The following OXR1 variants were observed in gnomAD, a reference collection of about 807,000 sequenced individuals.
The protein encoded by OXR1 is oxidation resistance 1.
A neutral mutation model predicts 104.6 loss-of-function variants in OXR1; 41 were observed. The observed-to-expected ratio is 0.39, with a 90% CI of 0.31 to 0.51. The LOEUF is 0.51. Among genes scored for constraint, OXR1 ranks in the 20% least tolerant of loss-of-function variants. OXR1 has a pLI of 0.77. For missense variants in OXR1, 955 were observed against 1,031.9 expected (o/e 0.93, Z 1.02); for synonymous variants, 348 against 348.4 (o/e 1.00, Z 0.01).
At chr8:106,441,289 G>A (rs911968800) in intron 2 of OXR1, among the ~76,000 whole-genome samples, 12 of 152,188 alleles carry the variant, frequency 7.9e-5, no homozygotes, top group Middle Eastern at 3.4e-3. Context: ...GTGTGTTATG[G>A]TACCAGTACC....
intron 11 of OXR1, among the ~76,000 whole-genome samples, chr8:106,730,309 G>A (rs1833761946): frequency 1.3e-5 from 2 of 152,028 alleles, no homozygotes; most frequent in African/African-American, 2.4e-5. Flanking sequence ...GTTTTGACAA[G>A]TGTATAATGA....
chr8:106,694,471 A>T (rs1037231510), intron 7 of OXR1, among the ~76,000 whole-genome samples: 3 of 118,998 alleles, frequency 2.5e-5, no homozygotes, highest in African/African-American at 1.2e-4. Flanking sequence ...ATATAAATAT[A>T]TTTATATATA....
intron 2 of OXR1, among the ~76,000 whole-genome samples, chr8:106,478,424 G>A (rs1473290137): frequency 1.3e-5 from 2 of 151,858 alleles, no homozygotes; most frequent in African/African-American, 4.8e-5. Flanking sequence ...AGTTGACAAA[G>A]ATTACATTTT....
intron 11 of OXR1, among the ~76,000 whole-genome samples, chr8:106,721,527 C>T (rs141743534): frequency 6.7e-4 from 102 of 152,188 alleles, no homozygotes; most frequent in South Asian, 2.3e-3. Context: ...TCTGGCTTCC[C>T]TCTTGCTTCT....
intron 2 of OXR1, among the ~76,000 whole-genome samples, chr8:106,515,680 T>C (rs1812812810): frequency 6.6e-6 from 1 of 152,158 alleles, no homozygotes; most frequent in East Asian, 1.9e-4. Context: ...TTTTTTATTA[T>C]TAATCTTAAT....
intron 7 of OXR1, among the ~76,000 whole-genome samples, chr8:106,698,383 A>G (rs1483113205): frequency 1.3e-5 from 2 of 151,700 alleles, no homozygotes; most frequent in East Asian, 1.9e-4. Flanking sequence ...ATTTTTTTCT[A>G]TTTGTTTTGC....
chr8:106,643,881 G>A (rs1035341474), intron 3 of OXR1, among the ~76,000 whole-genome samples: 3 of 152,152 alleles, frequency 2.0e-5, no homozygotes, highest in South Asian at 2.1e-4. Context: ...TTAAGGTTGC[G>A]ATTAGTATGT....
chr8:106,687,441 C>G (rs1196876672), intron 6 of OXR1, among the ~76,000 whole-genome samples: 4 of 152,144 alleles, frequency 2.6e-5, no homozygotes, highest in African/African-American at 9.7e-5. Flanking sequence ...TCAGTTTCTA[C>G]CGGGCATAGT....
At chr8:106,441,679 T>C (rs558556223) in intron 2 of OXR1, among the ~76,000 whole-genome samples, 1 of 152,286 alleles carries the variant, frequency 6.6e-6, no homozygotes, top group East Asian at 1.9e-4. Flanking sequence ...TTTGCAGTGA[T>C]TGTGAATGGG....
chr8:106,665,833 G>T (rs1265103345), intron 3 of OXR1, among the ~76,000 whole-genome samples: 1 of 152,052 alleles, frequency 6.6e-6, no homozygotes, highest in Non-Finnish European at 1.5e-5. Flanking sequence ...TTATTTTCTA[G>T]CAGTAAATGG....
chr8:106,676,548 A>G (rs954532644), intron 3 of OXR1, among the ~76,000 whole-genome samples: 4 of 151,858 alleles, frequency 2.6e-5, no homozygotes, highest in Admixed American at 1.3e-4. Context: ...TCCTTCCCTT[A>G]TATAGCTTAG....
At chr8:106,686,564 T>A (rs894683030) in intron 6 of OXR1, among the ~76,000 whole-genome samples, 9 of 152,174 alleles carry the variant, frequency 5.9e-5, no homozygotes, top group African/African-American at 1.9e-4. Context: ...TATAAATCCC[T>A]TAGAAATAAG....
chr8:106,736,165 A>ACCCC (rs5893803), intron 11 of OXR1, among the ~76,000 whole-genome samples: 18 of 145,694 alleles, frequency 1.2e-4, no homozygotes, highest in South Asian at 4.5e-4. Context: ...TTTATCTGAC[A>ACCCC]CCCCCCCCCA....
chr8:106,684,051 G>A (rs1395375009), intron 5 of OXR1, among the ~76,000 whole-genome samples, 195 bp from the exon 6 acceptor site: 3 of 151,912 alleles, frequency 2.0e-5, no homozygotes, highest in African/African-American at 4.8e-5. Context: ...CCCTATTCCA[G>A]CCGTATATAT....
intron 11 of OXR1, among the ~76,000 whole-genome samples, chr8:106,728,625 T>G (rs1170390910): frequency 6.6e-6 from 1 of 152,188 alleles, no homozygotes; most frequent in Non-Finnish European, 1.5e-5. Context: ...TTAAGTTTTG[T>G]TATCTTTTAT....
intron 2 of OXR1, among the ~76,000 whole-genome samples, chr8:106,442,281 G>A (rs1468431161): frequency 6.6e-6 from 1 of 152,098 alleles, no homozygotes; most frequent in Non-Finnish European, 1.5e-5. Context: ...GATCATGGTG[G>A]GTAAGTTTTT....
At chr8:106,629,587 A>G (rs189493758) in intron 3 of OXR1, among the ~76,000 whole-genome samples, 9 of 152,334 alleles carry the variant, frequency 5.9e-5, no homozygotes, top group Non-Finnish European at 1.0e-4. Context: ...ATAATTTAAA[A>G]ACTCATTAAT....
In OXR1 at chr8:106,605,856, A is replaced by C. The variant is rs141905154; in HGVS notation, c.221-73354A>C. On this transcript the variant is annotated intron_variant, in intron 3 of 16. Transcript: ENST00000517566. ...AAACACAAAAAACACCTCAAATCTG[A>C]TATCTCCCACTTCCTACTTAGGTTG... Among the ~76,000 whole-genome samples, 922 of 152,022 alleles carry C rather than the reference A, an allele frequency of 6.1e-3. 8 individuals carry two copies. Among genetic ancestry groups the C allele is most frequent in the African/African-American group, 0.02 (845 of 41,460 alleles).
chr8:106,672,868 C>G (rs1401295854), intron 3 of OXR1, among the ~76,000 whole-genome samples: 1 of 152,130 alleles, frequency 6.6e-6, no homozygotes, highest in East Asian at 1.9e-4. Flanking sequence ...CTTGCTTCCC[C>G]CTTTGCTTTC....
Sources: allele counts gnomAD v4.1 joint callset (sites outside exome capture counted in the v4.1 genomes callset), GRCh38; gene constraint gnomAD v4.1.1; transcripts MANE v1.5; gene names NCBI Gene and HGNC (gene_info 2026-07-23, HGNC 2026-07-21).